The following SEMA3A variants were observed in gnomAD, a reference collection of about 807,000 sequenced individuals.
SEMA3A encodes the protein semaphorin-3A.
Under a neutral mutation model 97.9 loss-of-function variants are expected in SEMA3A, and 29 were observed. The ratio of observed to expected loss-of-function variants is 0.30; its 90% confidence interval spans 0.22 to 0.40. The LOEUF (loss-of-function observed/expected upper bound fraction) is 0.40. Among genes scored for constraint, SEMA3A ranks in the 10% least tolerant of loss-of-function variants. SEMA3A has a pLI of 1.00. For missense variants in SEMA3A, 763 were observed against 951.3 expected (o/e 0.80, Z 2.60); for synonymous variants, 321 against 323.7 (o/e 0.99, Z 0.09).
chr7:83,996,832 C>T (rs1219524088), intron 12 of SEMA3A, among the ~76,000 whole-genome samples: 2 of 152,068 alleles, frequency 1.3e-5, no homozygotes, highest in Non-Finnish European at 2.9e-5. Context: ...AAATCAAAGA[C>T]ATTTCTAGAG....
At chr7:84,476,422 G>A (rs377137071) in intron 1 of SEMA3A, among the ~76,000 whole-genome samples, 1 of 151,288 alleles carries the variant, frequency 6.6e-6, no homozygotes, top group East Asian at 1.9e-4. Context: ...TCTAAATGTA[G>A]AGCCAAACAC....
intron 6 of SEMA3A, among the ~76,000 whole-genome samples, chr7:84,036,408 T>C (rs1408671485): frequency 2.6e-5 from 4 of 152,092 alleles, no homozygotes; most frequent in African/African-American, 9.7e-5. Flanking sequence ...AAATGGAAGT[T>C]GCCAGAGTAC....
At chr7:84,433,844 T>C (rs1009643456) in intron 1 of SEMA3A, among the ~76,000 whole-genome samples, 12 of 152,246 alleles carry the variant, frequency 7.9e-5, no homozygotes, top group African/African-American at 2.9e-4. Context: ...ATCAGCTTTC[T>C]TTCATGTTTG....
chr7:84,441,549 C>T (rs1584327619), intron 1 of SEMA3A, among the ~76,000 whole-genome samples: 1 of 151,740 alleles, frequency 6.6e-6, no homozygotes, highest in African/African-American at 2.4e-5. Context: ...GCCTTAGAGA[C>T]CTATAGAACA....
At chr7:84,471,494 G>T (rs1806147318) in intron 1 of SEMA3A, among the ~76,000 whole-genome samples, 1 of 151,922 alleles carries the variant, frequency 6.6e-6, no homozygotes, top group African/African-American at 2.4e-5. Flanking sequence ...TCTTTCTATG[G>T]CATAACTAAA....
At chr7:84,465,586 G>A (rs771295415) in intron 1 of SEMA3A, among the ~76,000 whole-genome samples, 1 of 152,174 alleles carries the variant, frequency 6.6e-6, no homozygotes, top group East Asian at 1.9e-4. Flanking sequence ...AACTGCAAAT[G>A]TTTATCTGAA....
At chr7:84,345,313 C>T (rs138177707) in intron 2 of SEMA3A, among the ~76,000 whole-genome samples, 260 of 152,256 alleles carry the variant, frequency 1.7e-3, no homozygotes, top group African/African-American at 6.0e-3. Context: ...GAGGTCTTGC[C>T]TCCATGTTGA....
At chr7:84,039,449 G>T (rs532576199) in intron 6 of SEMA3A, among the ~76,000 whole-genome samples, 2 of 152,188 alleles carry the variant, frequency 1.3e-5, no homozygotes, top group Admixed American at 1.3e-4. Flanking sequence ...CATCTATCTG[G>T]TCTTGGGGTT....
At chr7:84,055,613 C>G (rs1222172108) in intron 5 of SEMA3A, among the ~76,000 whole-genome samples, 1 of 152,146 alleles carries the variant, frequency 6.6e-6, no homozygotes, top group Non-Finnish European at 1.5e-5. Flanking sequence ...CTGGCACTCC[C>G]TAGTGAGATG....
chr7:83,989,037 G>A (rs1257979098), intron 12 of SEMA3A, among the ~76,000 whole-genome samples: 1 of 151,988 alleles, frequency 6.6e-6, no homozygotes, highest in African/African-American at 2.4e-5. Flanking sequence ...AGAAATTTTA[G>A]AAGAGTAAGG....
intron 1 of SEMA3A, among the ~76,000 whole-genome samples, chr7:84,484,853 C>A (rs1271037115): frequency 6.6e-6 from 1 of 152,094 alleles, no homozygotes; most frequent in Non-Finnish European, 1.5e-5. Context: ...TGAAGTAGTA[C>A]AACCTCTAAA....
At chr7:84,468,964 TTTTTA>T (rs1335836743) in intron 1 of SEMA3A, among the ~76,000 whole-genome samples, 1 of 152,124 alleles carries the variant, frequency 6.6e-6, no homozygotes, top group African/African-American at 2.4e-5. Flanking sequence ...TGATTTTCTT[TTTTTA>T]TTTTATTTCA....
At chr7:84,291,259 G>C (rs954124257) in intron 3 of SEMA3A, among the ~76,000 whole-genome samples, 3 of 151,640 alleles carry the variant, frequency 2.0e-5, no homozygotes, top group Admixed American at 6.6e-5. Context: ...GTATTTCTTT[G>C]TGTAAAGCAT....
chr7:84,390,335 A>AATTATTATTATT (rs71078827), intron 1 of SEMA3A, among the ~76,000 whole-genome samples: 2,626 of 143,638 alleles, frequency 0.018, 36 homozygotes, highest in East Asian at 0.035. Context: ...GATATTCAAG[A>AATTATTATTATT]ATTATTATTA....
At chr7:84,180,663 G>A (rs1220690797) in intron 1 of SEMA3A, among the ~76,000 whole-genome samples, 1 of 151,894 alleles carries the variant, frequency 6.6e-6, no homozygotes, top group Non-Finnish European at 1.5e-5. Flanking sequence ...AGTCCAGCCT[G>A]GGCAACAGAG....
chr7:84,377,531 A>G (rs1040677787), intron 1 of SEMA3A, among the ~76,000 whole-genome samples: 1 of 152,130 alleles, frequency 6.6e-6, no homozygotes, highest in Non-Finnish European at 1.5e-5. Flanking sequence ...GAAGTCAGGT[A>G]GTGTGGTGCC....
intron 12 of SEMA3A, among the ~76,000 whole-genome samples, chr7:84,001,196 C>T (rs1369439933): frequency 6.6e-6 from 1 of 151,902 alleles, no homozygotes; most frequent in South Asian, 2.1e-4. Context: ...TCAAGGTGTG[C>T]TTTAATTTAA....
chr7:84,267,701 T>C (rs1162507962), intron 3 of SEMA3A, among the ~76,000 whole-genome samples: 1 of 152,092 alleles, frequency 6.6e-6, no homozygotes, highest in East Asian at 1.9e-4. Context: ...ATAAAAGTGA[T>C]TTCATGGTCA....
intron 3 of SEMA3A, among the ~76,000 whole-genome samples, chr7:84,116,209 A>G (rs1795426055): frequency 6.6e-6 from 1 of 152,156 alleles, no homozygotes; most frequent in Non-Finnish European, 1.5e-5. Flanking sequence ...ATAATATAAA[A>G]TATTATCTTA....
Sources: allele counts gnomAD v4.1 joint callset (sites outside exome capture counted in the v4.1 genomes callset), GRCh38; gene constraint gnomAD v4.1.1; transcripts MANE v1.5; gene names NCBI Gene and HGNC (gene_info 2026-07-23, HGNC 2026-07-21).